Variants in PPP3CB observed in about 807,000 individuals in gnomAD.
PPP3CB encodes protein phosphatase 3 catalytic subunit beta, also known as serine/threonine-protein phosphatase 2B catalytic subunit beta isoform.
A neutral mutation model predicts 66.4 loss-of-function variants in PPP3CB; 8 were observed. The ratio of observed to expected loss-of-function variants is 0.12; its 90% confidence interval spans 0.07 to 0.22. PPP3CB has a LOEUF of 0.22. Ranked by LOEUF, PPP3CB falls within the 10% of genes least tolerant of loss-of-function variation. PPP3CB has a pLI of 1.00. For missense variants in PPP3CB, 319 were observed against 642.5 expected (o/e 0.50, Z 5.44); for synonymous variants, 208 against 221.2 (o/e 0.94, Z 0.53).
rs770121105 is a variant in PPP3CB at position 73,495,815 on chromosome 10, G to A, written c.75C>T (p.Arg25=). 4 of 1,562,538 alleles carry A rather than the reference G, an allele frequency of 2.6e-6. No individual in the cohort carries two copies. Among genetic ancestry groups the A allele is most frequent in the South Asian group, 1.1e-5 (1 of 88,428 alleles). Residue 25 remains arginine (R), a synonymous_variant, in exon 1 of 14, where the codon CGC becomes CGT. Transcript: ENST00000360663. ...TCGTCCACCTCTCACCTTTGACGAC[G>A]CGGTCAGCCCCGGGAGGGGGCGGCG... ...PPPPPPPGAD[R]VVKAVPFPPT... is the part of the protein sequence containing the mutation.
rs1564561896 is a variant in PPP3CB at position 73,471,531 on chromosome 10, T to C, written c.606A>G (p.Gln202=). ...GTCCACCATGAACACAAAGAAACTG[T>C]TGGTTTAAAAGTGCAGCAAGAGGCA... ...DSLPLAALLN[Q]QFLCVHGGLS... Residue 202 remains glutamine (Q), a synonymous_variant, in exon 5 of 14, where the codon CAA becomes CAG. Transcript: ENST00000360663. 6.2e-7 allele frequency: 1 copy of C among 1,612,942 alleles called. No individual in the cohort carries two copies. Among genetic ancestry groups the C allele is most frequent in the Non-Finnish European group, 8.5e-7 (1 of 1,179,218 alleles).
At chr10:73,492,179 G>A (rs1017696423) in intron 1 of PPP3CB, among the ~76,000 whole-genome samples, 7 of 152,126 alleles carry the variant, frequency 4.6e-5, no homozygotes, top group African/African-American at 1.7e-4. Flanking sequence ...CAATCTGAAA[G>A]TCTGATAATT....
intron 11 of PPP3CB, among the ~76,000 whole-genome samples, chr10:73,446,265 A>C (rs1248570495): frequency 6.6e-6 from 1 of 151,638 alleles, no homozygotes; most frequent in Non-Finnish European, 1.5e-5. Context: ...ACGCCCGGCT[A>C]ATTTTTGTAT....
intron 1 of PPP3CB, among the ~76,000 whole-genome samples, chr10:73,494,532 C>T (rs566175658): frequency 6.6e-6 from 1 of 152,032 alleles, no homozygotes; most frequent in East Asian, 1.9e-4. Flanking sequence ...TGAGTTCAAG[C>T]GATCCGCCTG....
intron 13 of PPP3CB, 91 bp downstream of exon 13, chr10:73,439,781 A>C: frequency 7.0e-7 from 1 of 1,420,808 alleles, no homozygotes; most frequent in Non-Finnish European, 9.9e-7. Context: ...TTGGGCTGTA[A>C]AAGCTAGGAG....
At position 73,438,149 on chromosome 10, in the gene PPP3CB, G is replaced by A. The variant is rs1008362477; in HGVS notation, c.*93C>T. On this transcript the variant is annotated 3_prime_UTR_variant, in exon 14 of 14. Transcript: ENST00000360663. ...ACAATGGTTTCTTCAGAGAGACTGTGAAATTTACAGTCAGCTTGGCCGACC... is the reference window on the plus strand; with the variant it reads ...ACAATGGTTTCTTCAGAGAGACTGTAAAATTTACAGTCAGCTTGGCCGACC... The A allele has an allele frequency of 2.0e-4, 253 of 1,258,414 alleles. No individual in the cohort carries two copies. Among genetic ancestry groups the A allele is most frequent in the Non-Finnish European group, 2.6e-4 (233 of 905,386 alleles). 78.0% of individuals were successfully genotyped at this position (1,258,414 alleles called of 1,614,324 possible). A position where few individuals can be genotyped will look rare whatever the true frequency, so the allele number is the denominator to read the frequency against.
chr10:73,484,301 G>A (rs943785723), intron 1 of PPP3CB, among the ~76,000 whole-genome samples: 1 of 150,538 alleles, frequency 6.6e-6, no homozygotes, highest in Admixed American at 6.6e-5. Context: ...ACGGAGTCTC[G>A]CTCTGTTGCC....
At chr10:73,455,086 T>C (rs755066553) in intron 9 of PPP3CB, among the ~76,000 whole-genome samples, 7 of 152,022 alleles carry the variant, frequency 4.6e-5, no homozygotes, top group Non-Finnish European at 8.8e-5. Context: ...GGTTTCACCA[T>C]GTTGGTCAGG....
intron 13 of PPP3CB, among the ~76,000 whole-genome samples, chr10:73,438,848 C>G (rs1441993874): frequency 2.0e-5 from 3 of 151,998 alleles, no homozygotes; most frequent in Admixed American, 2.0e-4. Flanking sequence ...AAGGTTAATC[C>G]TCAATATACA....
chr10:73,489,621 A>G (rs954408046), intron 1 of PPP3CB, among the ~76,000 whole-genome samples: 2 of 152,198 alleles, frequency 1.3e-5, no homozygotes, highest in African/African-American at 4.8e-5. Flanking sequence ...AAGGTTATTA[A>G]GTAGTAGAGC....
At chr10:73,438,943 A>G (rs2056106158) in intron 13 of PPP3CB, among the ~76,000 whole-genome samples, 1 of 151,594 alleles carries the variant, frequency 6.6e-6, no homozygotes, top group Admixed American at 6.6e-5. Context: ...GGTCAAGGTC[A>G]GCCCATCGCC....
At chr10:73,454,588 C>T (rs2056394408) in intron 9 of PPP3CB, 99 bp from the exon 10 acceptor site, 1 of 713,150 alleles carries the variant, frequency 1.4e-6, no homozygotes, top group Non-Finnish European at 2.3e-6. Flanking sequence ...AATGTTTAGC[C>T]CAAGAAAGCA....
At chr10:73,470,281 A>G (rs2056682670) in intron 8 of PPP3CB, among the ~76,000 whole-genome samples, 1 of 152,244 alleles carries the variant, frequency 6.6e-6, no homozygotes, top group Non-Finnish European at 1.5e-5. Context: ...AACCTAGATC[A>G]GTGAACATAA....
chr10:73,463,140 C>T (rs2056557656), intron 9 of PPP3CB, among the ~76,000 whole-genome samples: 1 of 152,062 alleles, frequency 6.6e-6, no homozygotes. Flanking sequence ...CAACCATTCC[C>T]TACCCTTAAA....
At chr10:73,478,333 T>C (rs181699648) in intron 3 of PPP3CB, among the ~76,000 whole-genome samples, 166 bp downstream of exon 3, 4 of 152,312 alleles carry the variant, frequency 2.6e-5, no homozygotes, top group African/African-American at 2.4e-5. Context: ...TTTATTTGAA[T>C]TGTTTGAAAG....
intron 9 of PPP3CB, among the ~76,000 whole-genome samples, chr10:73,460,265 CAAAAAAAAAAAA>C (rs11447229): frequency 1.1e-4 from 4 of 35,818 alleles, no homozygotes; most frequent in Non-Finnish European, 2.3e-4. Flanking sequence ...AAAGTAATAG[CAAAAAAAAAAAA>C]AAAAAAAAAA....
chr10:73,452,480 G>C (rs1385677668), intron 10 of PPP3CB, among the ~76,000 whole-genome samples: 6 of 152,152 alleles, frequency 3.9e-5, no homozygotes, highest in Non-Finnish European at 8.8e-5. Context: ...CCGATCATCT[G>C]AGGTCAGGAG....
intron 1 of PPP3CB, among the ~76,000 whole-genome samples, chr10:73,484,308 T>C (rs1382246241): frequency 2.6e-5 from 4 of 152,028 alleles, no homozygotes; most frequent in Non-Finnish European, 5.9e-5. Flanking sequence ...CTCGCTCTGT[T>C]GCCCAGGCTG....
chr10:73,471,552 A>C lies in PPP3CB; in HGVS notation c.585T>G (p.Pro195=), dbSNP rs1166804150. Residue 195 remains proline, a synonymous_variant, in exon 5 of 14, where the codon CCT becomes CCG. Transcript: ENST00000360663. ...EACMEAFDSL[P]LAALLNQQFL... ...ACTGTTGGTTTAAAAGTGCAGCAAG[A>C]GGCAAACTATCAAAAGCTTCCATAC... 1.9e-6 allele frequency: 3 copies of C among 1,612,556 alleles called. No homozygotes were observed. In the African/African-American group the frequency reaches 4.0e-5, roughly 22 times the overall value.
Sources: gnomAD v4.1 joint callset for allele counts (sites outside exome capture counted in the v4.1 genomes callset) on GRCh38, gnomAD v4.1.1 for gene constraint, MANE v1.5 for transcripts, NCBI Gene and HGNC (gene_info 2026-07-23, HGNC 2026-07-21) for gene names.